AGBL4: variants seen among roughly 807,000 people sequenced by gnomAD.
AGBL4 encodes AGBL carboxypeptidase 4, also known as cytosolic carboxypeptidase 6.
In AGBL4, 58 loss-of-function variants were observed where a neutral mutation model predicts 66.4. The ratio of observed to expected loss-of-function variants is 0.87; its 90% CI spans 0.71 to 1.09. The LOEUF (loss-of-function observed/expected upper bound fraction) is 1.09. AGBL4 is among the 50% of genes least tolerant of loss of function. The probability of loss-of-function intolerance (pLI) is 0.00; values close to 1 mark genes in which losing one functional copy is unlikely to be tolerated. For missense variants in AGBL4, 579 were observed against 631.0 expected (o/e 0.92, Z 0.88); for synonymous variants, 234 against 222.9 (o/e 1.05, Z -0.44).
intron 1 of AGBL4, among the ~76,000 whole-genome samples, chr1:49,911,523 T>A (rs1650830261): frequency 6.6e-6 from 1 of 152,174 alleles, no homozygotes; most frequent in Admixed American, 6.5e-5. Flanking sequence ...ACTTGGGACA[T>A]CACCAAGATA....
At chr1:49,435,282 A>T (rs1323612663) in intron 3 of AGBL4, among the ~76,000 whole-genome samples, 1 of 152,224 alleles carries the variant, frequency 6.6e-6, no homozygotes, top group Non-Finnish European at 1.5e-5. Context: ...GAATAAATGC[A>T]TGCATCTAAT....
At chr1:48,866,385 A>G (rs912011972) in intron 6 of AGBL4, among the ~76,000 whole-genome samples, 2 of 152,072 alleles carry the variant, frequency 1.3e-5, no homozygotes, top group Admixed American at 6.6e-5. Context: ...CAGAACCCCA[A>G]CTCCCCACAG....
At chr1:49,137,894 G>T (rs558299979) in intron 4 of AGBL4, among the ~76,000 whole-genome samples, 3 of 152,194 alleles carry the variant, frequency 2.0e-5, no homozygotes, top group East Asian at 3.9e-4. Flanking sequence ...TAGAGAATAT[G>T]ATCTAATTCC....
chr1:49,102,480 G>C (rs904409728), intron 4 of AGBL4, among the ~76,000 whole-genome samples: 2 of 152,166 alleles, frequency 1.3e-5, no homozygotes, highest in South Asian at 4.1e-4. Flanking sequence ...GTTTTACAGA[G>C]AGGAAAATAC....
intron 6 of AGBL4, among the ~76,000 whole-genome samples, chr1:48,764,350 A>G (rs1644424495): frequency 6.6e-6 from 1 of 152,218 alleles, no homozygotes; most frequent in African/African-American, 2.4e-5. Context: ...TGTGAAGATT[A>G]CCAATTCTAT....
intron 1 of AGBL4, among the ~76,000 whole-genome samples, chr1:49,915,832 C>A (rs1306806641): frequency 4.6e-5 from 7 of 152,104 alleles, no homozygotes; most frequent in Non-Finnish European, 1.0e-4. Context: ...GGAGACACCC[C>A]CTAATAGGGG....
At chr1:49,253,850 G>A (rs1216113800) in intron 3 of AGBL4, among the ~76,000 whole-genome samples, 2 of 152,268 alleles carry the variant, frequency 1.3e-5, no homozygotes, top group Middle Eastern at 3.4e-3. Flanking sequence ...TAAGATGCAA[G>A]GTTGGTTCAA....
chr1:48,527,467 C>T, the AGBL4 span, among the ~76,000 whole-genome samples: 2 of 151,718 alleles, frequency 1.3e-5, no homozygotes, highest in Non-Finnish European at 2.9e-5. Flanking sequence ...CGTGTTGGTG[C>T]GCGCCTGTAG....
intron 6 of AGBL4, among the ~76,000 whole-genome samples, chr1:48,760,160 C>T (rs1214996589): frequency 6.6e-6 from 1 of 152,206 alleles, no homozygotes; most frequent in Non-Finnish European, 1.5e-5. Context: ...AGTTCATTTA[C>T]AAGAGAATTA....
intron 6 of AGBL4, among the ~76,000 whole-genome samples, chr1:48,796,756 T>C (rs887131505): frequency 1.3e-5 from 2 of 152,200 alleles, no homozygotes; most frequent in African/African-American, 2.4e-5. Context: ...TCTGTAACCA[T>C]AGACAGAAAG....
chr1:49,992,501 A>G (rs1572024703), intron 1 of AGBL4, among the ~76,000 whole-genome samples: 1 of 151,842 alleles, frequency 6.6e-6, no homozygotes, highest in East Asian at 1.9e-4. Context: ...TAATGGCCAC[A>G]AAACAGCCAG....
At chr1:49,452,670 G>C (rs1646304004) in intron 3 of AGBL4, among the ~76,000 whole-genome samples, 1 of 151,692 alleles carries the variant, frequency 6.6e-6, no homozygotes, top group Non-Finnish European at 1.5e-5. Flanking sequence ...ATTAATTGTT[G>C]TTACTTCATT....
At chr1:49,786,632 C>T (rs1644461288) in intron 2 of AGBL4, among the ~76,000 whole-genome samples, 1 of 152,026 alleles carries the variant, frequency 6.6e-6, no homozygotes, top group South Asian at 2.1e-4. Context: ...TCTAGAGTGC[C>T]CTGAATTGTA....
chr1:48,620,045 G>T (rs1645385259), intron 9 of AGBL4, among the ~76,000 whole-genome samples: 1 of 152,112 alleles, frequency 6.6e-6, no homozygotes. Context: ...AAGGAAATCG[G>T]CTTGCCCTCC....
At chr1:48,592,782 T>A (rs1454440674) in intron 9 of AGBL4, among the ~76,000 whole-genome samples, 2 of 151,896 alleles carry the variant, frequency 1.3e-5, no homozygotes, top group African/African-American at 4.8e-5. Context: ...AGTGGGGAGG[T>A]TGCTTGCTTA....
At chr1:48,650,273 C>T (rs1230374849) in intron 8 of AGBL4, among the ~76,000 whole-genome samples, 3 of 152,214 alleles carry the variant, frequency 2.0e-5, no homozygotes, top group Non-Finnish European at 2.9e-5. Context: ...GACTTAACTT[C>T]TCTGAGGCTT....
chr1:49,208,129 G>T (rs991281116), intron 4 of AGBL4, among the ~76,000 whole-genome samples: 1 of 151,896 alleles, frequency 6.6e-6, no homozygotes, highest in African/African-American at 2.4e-5. Flanking sequence ...GTTAGTTATG[G>T]TGTTAACTCA....
At chr1:49,656,239 T>A (rs1432718037) in intron 3 of AGBL4, among the ~76,000 whole-genome samples, 1 of 151,252 alleles carries the variant, frequency 6.6e-6, no homozygotes, top group African/African-American at 2.4e-5. Flanking sequence ...TCTACGCAAA[T>A]AAACTAGAAA....
intron 3 of AGBL4, among the ~76,000 whole-genome samples, chr1:49,499,133 A>G (rs1414815689): frequency 6.6e-6 from 1 of 152,000 alleles, no homozygotes; most frequent in Non-Finnish European, 1.5e-5. Context: ...AAAAATTGAT[A>G]TTAATTCTTC....
Sources: gnomAD v4.1 joint callset for allele counts (sites outside exome capture counted in the v4.1 genomes callset) on GRCh38, gnomAD v4.1.1 for gene constraint, MANE v1.5 for transcripts, NCBI Gene and HGNC (gene_info 2026-07-23, HGNC 2026-07-21) for gene names.